Variants in BTD observed in about 807,000 individuals in gnomAD.
BTD encodes biocytinase.
Under a neutral mutation model 17.7 loss-of-function variants are expected in BTD, and 13 were observed. The observed-to-expected ratio is 0.74, with a 90% CI of 0.48 to 1.17. The LOEUF (loss-of-function observed/expected upper bound fraction) is 1.17. Ranked by LOEUF, BTD falls within the 50% of genes most tolerant of loss-of-function variation. The pLI, the probability that BTD is intolerant of heterozygous loss-of-function variation, is 0.00. For synonymous variants in BTD, 240 were observed against 245.2 expected, an observed-to-expected ratio of 0.98 and a Z score of 0.20; for missense variants, 674 against 650.4, an observed-to-expected ratio of 1.04 and a Z score of -0.39.
chr3:15,611,763 G>A (rs555193641), intron 1 of BTD, among the ~76,000 whole-genome samples: 11 of 150,966 alleles, frequency 7.3e-5, no homozygotes, highest in Admixed American at 2.0e-4. Flanking sequence ...GGGTGATGGC[G>A]TGAGACAGTC....
At chr3:15,640,727 G>T (rs192573592) in intron 2 of BTD, among the ~76,000 whole-genome samples, 8 of 152,172 alleles carry the variant, frequency 5.3e-5, no homozygotes, top group South Asian at 2.1e-4. Flanking sequence ...AAGTCAAGAT[G>T]TAAAACCATA....
rs79008453 is a variant in BTD, at chr3:15,665,968, C to T, written c.399+23911C>T. On this transcript the variant is annotated intron_variant, in intron 3 of 3. Transcript: ENST00000672141. ...ACACAAGCTGATGTCAGCCAATCTG[C>T]AGAGGCATGAGTAAGAGTGATTAAA... is the stretch of plus-strand genomic sequence containing the variant. Among the ~76,000 whole-genome samples, 619 of 152,296 alleles carry T rather than the reference C, an allele frequency of 4.1e-3. 1 individual carries two copies. The highest frequency in any genetic ancestry group is 0.023 in the East Asian group (118 of 5,188).
Position 15,653,426 on chromosome 3 carries a change from T to C in BTD, c.*7938T>C, listed in dbSNP as rs1454833027. On this transcript the variant is annotated 3_prime_UTR_variant, in exon 4 of 4. Transcript: ENST00000643237. ...GAGACTAAACAGAATCCCAGCAACA[T>C]AGGACGAGGCTGGAATTCCCACACC... Among the ~76,000 whole-genome samples, 1 of 152,238 alleles carries C rather than the reference T, an allele frequency of 6.6e-6. No individual in the cohort carries two copies. Among genetic ancestry groups the C allele is most frequent in the African/African-American group, 2.4e-5 (1 of 41,462 alleles).
intron 4 of BTD, among the ~76,000 whole-genome samples, chr3:15,718,834 A>C (rs1400597793): frequency 6.6e-6 from 1 of 152,222 alleles, no homozygotes; most frequent in Non-Finnish European, 1.5e-5. Context: ...TGAAAATGTC[A>C]AGATTAATTC....
intron 1 of BTD, among the ~76,000 whole-genome samples, chr3:15,623,099 G>T (rs1032189410): frequency 6.6e-6 from 1 of 152,216 alleles, no homozygotes; most frequent in Non-Finnish European, 1.5e-5. Flanking sequence ...CAGATTTCAT[G>T]AGACTTATTC....
chr3:15,711,125 G>C lies in BTD; in HGVS notation c.*1051G>C. ...TTGTTTTCTATTTTCTGGCAGCCCA[G>C]AATTAATAAAAAAGAACAAAGATAA... On this transcript the variant is annotated 3_prime_UTR_variant, in exon 4 of 4. Transcript: ENST00000672141. The C allele has an allele frequency of 6.7e-6, 8 of 1,186,082 alleles. No homozygotes were observed. In the South Asian group the frequency reaches 1.0e-4, roughly 16 times the overall value. 73.5% of individuals were successfully genotyped at this position (1,186,082 alleles called of 1,614,324 possible). A position where few individuals can be genotyped will look rare whatever the true frequency, so the allele number is the denominator to read the frequency against.
intron 3 of BTD, among the ~76,000 whole-genome samples, chr3:15,705,780 TC>T (rs2071271197): frequency 6.6e-6 from 1 of 152,158 alleles, no homozygotes; most frequent in Non-Finnish European, 1.5e-5. Context: ...GGTGGGCGGA[TC>T]ACTTAGGTCA....
chr3:15,672,708 G>A (rs1003254002), intron 3 of BTD, among the ~76,000 whole-genome samples: 7 of 152,154 alleles, frequency 4.6e-5, no homozygotes, highest in African/African-American at 1.7e-4. Flanking sequence ...GAGCGGGAGT[G>A]GGGAAAGAAG....
chr3:15,679,941 A>G (rs1051139414), intron 3 of BTD, among the ~76,000 whole-genome samples: 1 of 152,144 alleles, frequency 6.6e-6, no homozygotes, highest in African/African-American at 2.4e-5. Context: ...ATTGGTTATT[A>G]TAAGTAATCC....
chr3:15,665,988 A>G (rs1055120978), intron 3 of BTD, among the ~76,000 whole-genome samples: 3 of 152,184 alleles, frequency 2.0e-5, no homozygotes, highest in Non-Finnish European at 4.4e-5. Flanking sequence ...AGTAAGAGTG[A>G]TTAAACAACT....
chr3:15,703,485 G>T (rs778540755), intron 3 of BTD, among the ~76,000 whole-genome samples: 5 of 152,174 alleles, frequency 3.3e-5, no homozygotes, highest in Non-Finnish European at 7.4e-5. Flanking sequence ...TTATAAATAA[G>T]GCCCAAAAGA....
intron 3 of BTD, among the ~76,000 whole-genome samples, chr3:15,689,210 G>A (rs2068497354): frequency 6.6e-6 from 1 of 152,162 alleles, no homozygotes; most frequent in African/African-American, 2.4e-5. Flanking sequence ...AGCTCTTTGG[G>A]CCACTGGGTT....
rs2065837333 is a variant in BTD at position 15,653,468 on chromosome 3, C to T, written c.*7980C>T. Among the ~76,000 whole-genome samples, 1 of 152,230 alleles carries T rather than the reference C, an allele frequency of 6.6e-6. No individual in the cohort carries two copies. The highest frequency in any genetic ancestry group is 6.5e-5 in the Admixed American group (1 of 15,286). On this transcript the variant is annotated 3_prime_UTR_variant, in exon 4 of 4. Coordinates refer to ENST00000643237, the MANE Select transcript of BTD (RefSeq NM_001370658.1). ...TCCCACACCTGGACTAATGCACAGC[C>T]AGTGTTTCAACGTCGCCAACCCAGA...
intron 1 of BTD, chr3:15,602,350 T>G: frequency 2.0e-6 from 2 of 1,007,344 alleles, no homozygotes; most frequent in Non-Finnish European, 2.4e-6. Flanking sequence ...TTGCTACTAA[T>G]CCATATTACT....
chr3:15,718,117 T>A (rs2073285822), intron 4 of BTD, among the ~76,000 whole-genome samples: 1 of 152,204 alleles, frequency 6.6e-6, no homozygotes, highest in South Asian at 2.1e-4. Flanking sequence ...TTGTCAGGAA[T>A]GAATATATAT....
intron 3 of BTD, among the ~76,000 whole-genome samples, chr3:15,666,558 A>G (rs2065996433): frequency 1.3e-5 from 2 of 152,262 alleles, no homozygotes; most frequent in South Asian, 4.1e-4. Context: ...TTACCTGCAT[A>G]AAGACCACTT....
intron 1 of BTD, chr3:15,630,148 T>C (rs1282609399): frequency 1.1e-6 from 1 of 895,878 alleles, no homozygotes; most frequent in Non-Finnish European, 1.3e-6. Flanking sequence ...TTCATGAAAC[T>C]CAAATCTTGA....
chr3:15,618,906 T>G (rs942973455), intron 1 of BTD, among the ~76,000 whole-genome samples: 1 of 152,386 alleles, frequency 6.6e-6, no homozygotes, highest in South Asian at 2.1e-4. Context: ...ATATGAACCT[T>G]GTATCCTACA....
At chr3:15,602,750 A>G (rs1169485953) in intron 1 of BTD, among the ~76,000 whole-genome samples, 1 of 152,020 alleles carries the variant, frequency 6.6e-6, no homozygotes, top group Non-Finnish European at 1.5e-5. Flanking sequence ...GGGTCTTTTC[A>G]AAAGGTCTTC....
Sources: allele counts gnomAD v4.1 joint callset (sites outside exome capture counted in the v4.1 genomes callset), GRCh38; gene constraint gnomAD v4.1.1; transcripts MANE v1.5; gene names NCBI Gene and HGNC (gene_info 2026-07-23, HGNC 2026-07-21).